The following ANO2 variants were observed in gnomAD, a reference collection of about 807,000 sequenced individuals.
ANO2 encodes the protein anoctamin-2.
In ANO2, 101 loss-of-function variants were observed where a neutral mutation model predicts 124.2. The observed-to-expected ratio is 0.81, with a 90% CI of 0.69 to 0.96. The LOEUF is 0.96. Ranked by LOEUF, ANO2 falls within the 40% of genes least tolerant of loss-of-function variation. ANO2 has a pLI of 0.00. For synonymous variants in ANO2, 486 were observed against 482.5 expected (o/e 1.01, Z -0.09); for missense variants, 1,293 against 1,274.5 (o/e 1.01, Z -0.22).
intron 19 of ANO2, among the ~76,000 whole-genome samples, chr12:5,610,821 C>CACAG (rs1944497400): frequency 1.1e-5 from 1 of 89,936 alleles, no homozygotes; most frequent in Non-Finnish European, 2.7e-5. Context: ...GTTGTCCATA[C>CACAG]ACACACACAC....
At chr12:5,704,609 G>C (rs1949532879) in intron 14 of ANO2, among the ~76,000 whole-genome samples, 1 of 152,014 alleles carries the variant, frequency 6.6e-6, no homozygotes, top group Non-Finnish European at 1.5e-5. Flanking sequence ...TCTGAAATCT[G>C]TCTTCCCTGA....
chr12:5,686,569 C>T (rs113581165), intron 14 of ANO2, among the ~76,000 whole-genome samples: 9,489 of 152,242 alleles, frequency 0.062, 396 homozygotes, highest in African/African-American at 0.11. Flanking sequence ...CAGAAGCACA[C>T]AGGGGAGCGA....
At chr12:5,844,595 G>C (rs921255522) in intron 4 of ANO2, among the ~76,000 whole-genome samples, 1 of 152,130 alleles carries the variant, frequency 6.6e-6, no homozygotes, top group African/African-American at 2.4e-5. Flanking sequence ...TAATTCAGGA[G>C]CTAATCTTCT....
chr12:5,774,083 C>G (rs1952159763), intron 10 of ANO2, among the ~76,000 whole-genome samples: 2 of 152,190 alleles, frequency 1.3e-5, no homozygotes, highest in Non-Finnish European at 2.9e-5. Context: ...TTGAAGAATT[C>G]TTTGACTTTG....
At chr12:5,910,519 T>A (rs1940984278) in intron 3 of ANO2, among the ~76,000 whole-genome samples, 1 of 152,208 alleles carries the variant, frequency 6.6e-6, no homozygotes, top group Non-Finnish European at 1.5e-5. Context: ...CAGGAACTCA[T>A]CTTAATGTAG....
chr12:5,708,269 G>A (rs1057284177), intron 14 of ANO2, among the ~76,000 whole-genome samples: 40 of 152,168 alleles, frequency 2.6e-4, no homozygotes, highest in African/African-American at 8.9e-4. Flanking sequence ...TGAATATGGT[G>A]TTATATCCCC....
chr12:5,576,753 G>C (rs1225716992), intron 22 of ANO2, among the ~76,000 whole-genome samples: 5 of 152,190 alleles, frequency 3.3e-5, no homozygotes, highest in African/African-American at 9.7e-5. Context: ...TTTGGCAGGT[G>C]TTTATACTGC....
At chr12:5,634,658 C>G (rs1285474457) in intron 16 of ANO2, among the ~76,000 whole-genome samples, 1 of 152,186 alleles carries the variant, frequency 6.6e-6, no homozygotes, top group Non-Finnish European at 1.5e-5. Context: ...TTGAAGTCTA[C>G]TCAGTGCCTG....
intron 14 of ANO2, among the ~76,000 whole-genome samples, chr12:5,722,044 T>G (rs1244055608): frequency 6.6e-6 from 1 of 152,238 alleles, no homozygotes; most frequent in Non-Finnish European, 1.5e-5. Context: ...TTAAACCTAA[T>G]TACTAGCTAA....
At chr12:5,885,545 C>T (rs763276376) in intron 3 of ANO2, among the ~76,000 whole-genome samples, 1 of 152,194 alleles carries the variant, frequency 6.6e-6, no homozygotes, top group Non-Finnish European at 1.5e-5. Flanking sequence ...AACAAGTAGA[C>T]ACTATTCTTT....
chr12:5,921,382 G>A lies in ANO2; in HGVS notation c.208-16C>T. The A allele has an allele frequency of 1.2e-6, 2 of 1,609,382 alleles. No individual in the cohort carries two copies. The highest frequency in any genetic ancestry group is 1.7e-6 in the Non-Finnish European group (2 of 1,177,026). On this transcript the variant is annotated splice_polypyrimidine_tract_variant and intron_variant, in intron 2 of 24. Coordinates refer to ENST00000682330, the MANE Select transcript of ANO2 (RefSeq NM_001364791.2). The stretch of plus-strand genomic sequence containing the variant: ...TGTTGATGACCTGGCCAGAGAGAGA[G>A]GAGAGGCAGGGCAAGGTCTGGTGAG...
At position 5,579,111 on chromosome 12, in the gene ANO2, T is replaced by A. The variant is rs537688308; in HGVS notation, c.2234-593A>T. ...TGGACTCTTCTTTCCATGTCTACAG[T>A]CACTGCCTTTGTTTAGAAAGTTTAT... On this transcript the variant is annotated intron_variant, in intron 20 of 24. Transcript: ENST00000682330. 5.3e-5 allele frequency among the ~76,000 whole-genome samples: 8 copies of A among 152,378 alleles called. No homozygotes were observed. In the South Asian group the frequency reaches 1.2e-3, roughly 24 times the overall value.
chr12:5,764,489 G>C (rs1350329454), intron 10 of ANO2, among the ~76,000 whole-genome samples: 2 of 152,186 alleles, frequency 1.3e-5, no homozygotes, highest in African/African-American at 4.8e-5. Flanking sequence ...CAGCTGGTAA[G>C]ATGCAGAGAC....
intron 14 of ANO2, among the ~76,000 whole-genome samples, chr12:5,710,579 C>T (rs1160287456): frequency 6.6e-6 from 1 of 152,136 alleles, no homozygotes; most frequent in Non-Finnish European, 1.5e-5. Flanking sequence ...AAGATGAAAA[C>T]CCTCTGAGTA....
Position 5,787,463 on chromosome 12 carries a change from C to G in ANO2, c.1055+12044G>C, listed in dbSNP as rs1952571063. ...TGGGGCATACACATGGTGGAGAAGC[C>G]AGACTCAGGAGTTCAGATCCTACCT... On this transcript the variant is annotated intron_variant, in intron 10 of 24. Transcript: ENST00000682330. This position sits in a 1 kb window ranked among gnomAD's most constrained non-coding sequence, Gnocchi z 4.2. Among the ~76,000 whole-genome samples, 1 of 152,174 alleles carries G rather than the reference C, an allele frequency of 6.6e-6. No homozygotes were observed. Among genetic ancestry groups the G allele is most frequent in the African/African-American group, 2.4e-5 (1 of 41,434 alleles).
intron 3 of ANO2, among the ~76,000 whole-genome samples, chr12:5,895,308 T>C (rs1591756750): frequency 1.3e-5 from 2 of 152,192 alleles, no homozygotes; most frequent in African/African-American, 2.4e-5. Flanking sequence ...TATTGGTGTA[T>C]AGAAATGCTT....
chr12:5,851,554 G>A (rs1242013494), intron 4 of ANO2, among the ~76,000 whole-genome samples: 1 of 151,986 alleles, frequency 6.6e-6, no homozygotes, highest in African/African-American at 2.4e-5. Context: ...GCATGGTGAT[G>A]AGCACCTGTA....
Position 5,922,721 on chromosome 12 carries a change from G to A in ANO2, c.106C>T (p.Gln36Ter), listed in dbSNP as rs1422191798. 2.5e-6 allele frequency: 4 copies of A among 1,600,404 alleles called. No individual in the cohort carries two copies. The South Asian group carries it at 4.5e-5, about 18-fold the overall frequency. The change falls in exon 2 of 25, where the codon CAG becomes TAG. Residue 36 changes from glutamine to a stop codon, truncating the protein, a stop_gained. Transcript: ENST00000682330. LOFTEE classifies it high-confidence loss of function. ...CGGGGACCTGGCATCTTGAGACACT[G>A]CTGTCCATGTTTGGGGCCCTGGCCC... ...RGGQGPKHGQ[Q>*]CLKMPGPRAP...
At chr12:5,764,211 G>C (rs140978387) in intron 10 of ANO2, among the ~76,000 whole-genome samples, 9 of 152,242 alleles carry the variant, frequency 5.9e-5, no homozygotes, top group Admixed American at 3.3e-4. Flanking sequence ...GAAGATCCCT[G>C]GTCAAATCGA....
Sources: allele counts gnomAD v4.1 joint callset (sites outside exome capture counted in the v4.1 genomes callset), GRCh38; gene constraint gnomAD v4.1.1; non-coding constraint Gnocchi (gnomAD v3.1); transcripts MANE v1.5; gene names NCBI Gene and HGNC (gene_info 2026-07-23, HGNC 2026-07-21).